The following RUVBL2 variants were observed in gnomAD, a reference collection of about 807,000 sequenced individuals.
The protein encoded by RUVBL2 is ruvB-like 2.
RUVBL2 carries 9 observed loss-of-function variants against 57.9 expected under a neutral mutation model. The observed-to-expected ratio is 0.16, with a 90% CI of 0.09 to 0.27. The LOEUF is 0.27. Among genes scored for constraint, RUVBL2 ranks in the 10% least tolerant of loss-of-function variants. The pLI is 1.00. For missense variants in RUVBL2, 456 were observed against 669.6 expected, an observed-to-expected ratio of 0.68 and a Z score of 3.52; for synonymous variants, 278 against 264.6, an observed-to-expected ratio of 1.05 and a Z score of -0.49.
chr19:49,010,467 T>TAC, intron 8 of RUVBL2, 21 bp from the exon 9 acceptor site: 20 of 1,401,198 alleles, frequency 1.4e-5, no homozygotes, highest in Non-Finnish European at 1.5e-5. Context: ...CCGCCGTTCT[T>TAC]CCCCCACCCC....
intron 8 of RUVBL2, 66 bp downstream of exon 8, chr19:49,010,132 C>G: frequency 7.1e-7 from 1 of 1,400,460 alleles, no homozygotes; most frequent in Non-Finnish European, 9.9e-7. Flanking sequence ...CCTCCATCAC[C>G]CCCTTGACCC....
chr19:49,008,614 G>A (rs2039333299), intron 6 of RUVBL2, among the ~76,000 whole-genome samples: 1 of 151,980 alleles, frequency 6.6e-6, no homozygotes, highest in Admixed American at 6.5e-5. Context: ...GGGAGGCTGA[G>A]GTGGGCGATC....
chr19:49,007,919 G>C (rs1274480165), intron 6 of RUVBL2, among the ~76,000 whole-genome samples: 2 of 151,734 alleles, frequency 1.3e-5, no homozygotes, highest in Admixed American at 1.3e-4. Context: ...ATGTTGGCCA[G>C]GCTGGTCTTG....
intron 6 of RUVBL2, among the ~76,000 whole-genome samples, chr19:49,008,648 G>T (rs1003924296): frequency 2.0e-5 from 3 of 151,832 alleles, no homozygotes; most frequent in Non-Finnish European, 4.4e-5. Context: ...AGTTCGAAAC[G>T]AGCCTGACTA....
At position 49,014,914 on chromosome 19, in the gene RUVBL2, C is replaced by A. The variant is rs1029169404; in HGVS notation, c.1122-107C>A. The A allele has an allele frequency of 4.3e-6, 6 of 1,399,596 alleles. No homozygotes were observed. The Admixed American group carries it at 6.5e-5, about 15-fold the overall frequency. 86.7% of individuals were successfully genotyped at this position (1,399,596 alleles called of 1,614,324 possible). On this transcript the variant is annotated intron_variant, in intron 12 of 14. Coordinates refer to ENST00000595090, the MANE Select transcript of RUVBL2 (RefSeq NM_006666.3). ...GCATTCTATGGTTCTAAGATGCAGG[C>A]GCCACATATTCCCAGTGGGGAAGGG...
At chr19:49,010,110 G>A (rs1398473437) in intron 8 of RUVBL2, 44 bp downstream of exon 8, 1 of 1,560,628 alleles carries the variant, frequency 6.4e-7, no homozygotes, top group Non-Finnish European at 8.8e-7. Context: ...CAGCACTGGG[G>A]TGTTTTCATC....
intron 3 of RUVBL2, 23 bp downstream of exon 3, chr19:49,003,357 G>T: frequency 6.2e-7 from 1 of 1,612,100 alleles, no homozygotes; most frequent in Non-Finnish European, 8.5e-7. Context: ...AGGCTGGGGT[G>T]TGAGGGCCTC....
rs533260607 is a variant in RUVBL2 at position 49,010,545 on chromosome 19, A to G, written c.721A>G (p.Thr241Ala). Reference protein sequence around the residue: ...ELQKRKEVVHTVSLHEIDVIN... With the variant: ...ELQKRKEVVHAVSLHEIDVIN... ...CCAGAAACGCAAGGAGGTGGTGCAC[A>G]CCGTGTCCCTGCACGAGATCGACGT... The change falls in exon 9 of 15, where the codon ACC becomes GCC. Residue 241 changes from threonine (T) to alanine (A), a missense_variant. Around this residue, in one of 5 missense-constraint regions of RUVBL2, gnomAD observed 233 missense variants for 306.0 expected, o/e 0.76. Transcript: ENST00000595090. 3 of 1,607,482 alleles carry G rather than the reference A, an allele frequency of 1.9e-6. No homozygotes were observed. In the African/African-American group the frequency reaches 4.1e-5, roughly 22 times the overall value.
In RUVBL2 at chr19:49,011,366, G is replaced by A; in HGVS notation, c.1001+56G>A. 7.2e-7 allele frequency: 1 copy of A among 1,386,204 alleles called. No individual in the cohort carries two copies. The highest frequency in any genetic ancestry group is 1.0e-6 in the Non-Finnish European group (1 of 977,772). 85.9% of individuals were successfully genotyped at this position (1,386,204 alleles called of 1,614,324 possible). On this transcript the variant is annotated intron_variant, in intron 11 of 14. Coordinates refer to ENST00000595090, the MANE Select transcript of RUVBL2 (RefSeq NM_006666.3). This position sits in a 1 kb window ranked among gnomAD's most constrained non-coding sequence, Gnocchi z 4.4. ...ACAGGATGCTCTGGGCAGTGGGTGT[G>A]GTCAGAGGGTCAATGGGAGCCTGTG...
At chr19:49,012,470 A>G (rs931581019) in intron 11 of RUVBL2, among the ~76,000 whole-genome samples, 3 of 152,222 alleles carry the variant, frequency 2.0e-5, no homozygotes, top group Non-Finnish European at 4.4e-5. Flanking sequence ...GTGTTTTCAC[A>G]GAAACTGCAG....
chr19:49,005,874 G>C (rs1600181402), intron 4 of RUVBL2, among the ~76,000 whole-genome samples: 1 of 152,318 alleles, frequency 6.6e-6, no homozygotes, highest in South Asian at 2.1e-4. Flanking sequence ...GACCTCAGGT[G>C]ATCCACCCCC....
chr19:49,010,757 C>T lies in RUVBL2; in HGVS notation c.787+146C>T, dbSNP rs184278093. 35 of 1,202,810 alleles carry T rather than the reference C, an allele frequency of 2.9e-5. No homozygotes were observed. The African/African-American group carries it at 4.8e-4, about 17-fold the overall frequency. The allele number at this position is 1,202,810 out of a possible 1,614,324, so 74.5% of individuals were successfully genotyped here. ...CCGGCCCGTGGCTGCCTCTGTTCTCCACCTGCAAGTCCGCTCCGTCCCCAC... is the reference window on the plus strand; with the variant it reads ...CCGGCCCGTGGCTGCCTCTGTTCTCTACCTGCAAGTCCGCTCCGTCCCCAC... On this transcript the variant is annotated intron_variant, in intron 9 of 14. Transcript: ENST00000595090.
intron 2 of RUVBL2, among the ~76,000 whole-genome samples, chr19:49,000,829 G>A (rs1290394518): frequency 6.6e-6 from 1 of 152,070 alleles, no homozygotes; most frequent in Non-Finnish European, 1.5e-5. Context: ...TCCAGCTTGG[G>A]TGACAGAGTG....
intron 2 of RUVBL2, among the ~76,000 whole-genome samples, chr19:49,001,888 G>T (rs1420381310): frequency 6.6e-6 from 1 of 152,154 alleles, no homozygotes; most frequent in Non-Finnish European, 1.5e-5. Flanking sequence ...GGGATTACAG[G>T]CGTGAGCCAC....
intron 11 of RUVBL2, among the ~76,000 whole-genome samples, chr19:49,013,208 C>T (rs1432139740): frequency 1.3e-5 from 2 of 151,942 alleles, no homozygotes; most frequent in Non-Finnish European, 2.9e-5. Flanking sequence ...GTGATCTGCC[C>T]ACCTCAGCCT....
intron 12 of RUVBL2, 32 bp downstream of exon 12, chr19:49,014,635 C>G (rs770671674): frequency 6.2e-7 from 1 of 1,612,538 alleles, no homozygotes; most frequent in Non-Finnish European, 8.5e-7. Flanking sequence ...GCGCCTGAGA[C>G]GCAGGGCTGG....
chr19:49,010,060 C>A lies in RUVBL2; in HGVS notation c.657C>A (p.Gly219=). 6.2e-7 allele frequency: 1 copy of A among 1,602,488 alleles called. No homozygotes were observed. The highest frequency in any genetic ancestry group is 8.5e-7 in the Non-Finnish European group (1 of 1,175,202). ...FTRARDYDAM[G]SQTKFVQCPD... is the part of the protein sequence containing the mutation. ...GCGCCCGCGACTACGACGCTATGGG[C>A]TCCCAGGTGCGGCCGGGACTCCCGG... is the stretch of plus-strand genomic sequence containing the variant. The change falls in exon 8 of 15, where the codon GGC becomes GGA. Residue 219 remains glycine, a synonymous_variant. Coordinates refer to ENST00000595090, the MANE Select transcript of RUVBL2 (RefSeq NM_006666.3).
At chr19:49,000,256 T>G (rs909847645) in intron 2 of RUVBL2, among the ~76,000 whole-genome samples, 3 of 152,244 alleles carry the variant, frequency 2.0e-5, no homozygotes, top group African/African-American at 4.8e-5. Flanking sequence ...CTGTTTCATC[T>G]ATTAAAAGTG....
At position 49,011,120 on chromosome 19, in the gene RUVBL2, G is replaced by T. The variant is rs773467649; in HGVS notation, c.882+27G>T. ...TGAGGACCCAGGACATGGCCGGGGC[G>T]GGTGGTGGGGTGGAGGTGGGCCGGG... On this transcript the variant is annotated intron_variant, in intron 10 of 14. Coordinates refer to ENST00000595090, the MANE Select transcript of RUVBL2 (RefSeq NM_006666.3). This position sits in a 1 kb window ranked among gnomAD's most constrained non-coding sequence, Gnocchi z 4.4. The T allele has an allele frequency of 6.2e-7, 1 of 1,607,162 alleles. No homozygotes were observed. The highest frequency in any genetic ancestry group is 1.1e-5 in the South Asian group (1 of 90,234).
Sources: gnomAD v4.1 joint callset for allele counts (sites outside exome capture counted in the v4.1 genomes callset) on GRCh38, gnomAD v4.1.1 for gene constraint, gnomAD v4.1.1 regional missense constraint, Gnocchi (gnomAD v3.1) non-coding constraint, MANE v1.5 for transcripts, NCBI Gene and HGNC (gene_info 2026-07-23, HGNC 2026-07-21) for gene names.